Variants in DNER observed in about 807,000 individuals in gnomAD.
DNER encodes delta and Notch-like epidermal growth factor-related receptor.
A neutral mutation model predicts 78.2 loss-of-function variants in DNER; 33 were observed. The ratio of observed to expected loss-of-function variants is 0.42; its 90% CI spans 0.32 to 0.56. The LOEUF is 0.56. DNER is among the 20% of genes least tolerant of loss of function. The pLI, the probability that DNER is intolerant of heterozygous loss-of-function variation, is 0.11. For missense variants in DNER, 918 were observed against 975.3 expected (o/e 0.94, Z 0.78); for synonymous variants, 417 against 384.8 (o/e 1.08, Z -0.98).
At position 229,698,911 on chromosome 2, in the gene DNER, A is replaced by T. The variant is rs897674399; in HGVS notation, c.276+15237T>A. ...AAAAAACCAATGGCCAATTTTAAAG[A>T]GTAAAAATGAAGATAGAGGGTCACA... On this transcript the variant is annotated intron_variant, in intron 1 of 12. Coordinates refer to ENST00000341772, the MANE Select transcript of DNER (RefSeq NM_139072.4). Among the ~76,000 whole-genome samples the T allele has an allele frequency of 1.1e-4, 16 of 152,190 alleles. 1 individual carries two copies.
At chr2:229,527,187 C>G (rs953340713) in intron 5 of DNER, among the ~76,000 whole-genome samples, 2 of 144,738 alleles carry the variant, frequency 1.4e-5, no homozygotes, top group Non-Finnish European at 2.9e-5. Context: ...CTCCTCTAAA[C>G]TTAGCCTGGT....
chr2:229,475,725 C>CCTT (rs1273908257), intron 7 of DNER, among the ~76,000 whole-genome samples: 1 of 152,110 alleles, frequency 6.6e-6, no homozygotes, highest in Non-Finnish European at 1.5e-5. Context: ...GCAAATTACC[C>CCTT]CCATCTGAAC....
At chr2:229,455,288 T>C (rs551517318) in intron 7 of DNER, among the ~76,000 whole-genome samples, 1 of 152,212 alleles carries the variant, frequency 6.6e-6, no homozygotes, top group South Asian at 2.1e-4. Context: ...CCGTGTGACC[T>C]CAGGCTTAAT....
intron 1 of DNER, among the ~76,000 whole-genome samples, chr2:229,631,698 C>T (rs1234553502): frequency 6.6e-6 from 1 of 152,130 alleles, no homozygotes; most frequent in Non-Finnish European, 1.5e-5. Flanking sequence ...ATAACACTTC[C>T]AGTTCTTAAA....
chr2:229,687,801 G>T (rs1415900717), intron 1 of DNER, among the ~76,000 whole-genome samples: 1 of 152,158 alleles, frequency 6.6e-6, no homozygotes, highest in African/African-American at 2.4e-5. Flanking sequence ...TAGACATAAG[G>T]CTAATAGAGT....
In DNER at chr2:229,688,115, T is replaced by G. The variant is rs180834106; in HGVS notation, c.276+26033A>C. On this transcript the variant is annotated intron_variant, in intron 1 of 12. Transcript: ENST00000341772. ...AACCTACTTCACCAGAGAAGTACAA[T>G]CGGGGTGTTAAGAGCTCCTCCCATG... Among the ~76,000 whole-genome samples, 12 of 152,298 alleles carry G rather than the reference T, an allele frequency of 7.9e-5. No homozygotes were observed. The East Asian group carries it at 1.2e-3, about 15-fold the overall frequency.
At position 229,454,742 on chromosome 2, in the gene DNER, T is replaced by A. The variant is rs144204816; in HGVS notation, c.1262-7202A>T. On this transcript the variant is annotated intron_variant, in intron 7 of 12. Transcript: ENST00000341772. ...CTGTGTTTTATTATTCTTAAAATTT[T>A]GCTTTTTCTTACCAATTCAAGAAAA... Among the ~76,000 whole-genome samples, 426 of 152,220 alleles carry A rather than the reference T, an allele frequency of 2.8e-3. 2 individuals carry two copies. The highest frequency in any genetic ancestry group is 9.6e-3 in the African/African-American group (400 of 41,536).
intron 11 of DNER, among the ~76,000 whole-genome samples, chr2:229,371,741 A>G (rs1270474992): frequency 6.6e-6 from 1 of 152,204 alleles, no homozygotes; most frequent in Non-Finnish European, 1.5e-5. Context: ...CATAGCCCAT[A>G]TCTATTTTTT....
At chr2:229,410,098 C>T (rs1042868027) in intron 9 of DNER, among the ~76,000 whole-genome samples, 1 of 152,116 alleles carries the variant, frequency 6.6e-6, no homozygotes, top group Non-Finnish European at 1.5e-5. Flanking sequence ...GAGGAGTCAC[C>T]TTCTTTCACA....
At chr2:229,463,276 T>A (rs958385083) in intron 7 of DNER, among the ~76,000 whole-genome samples, 2 of 151,034 alleles carry the variant, frequency 1.3e-5, no homozygotes, top group African/African-American at 5.0e-5. Flanking sequence ...GAGAACATAT[T>A]CCAACAGATT....
At chr2:229,663,688 C>G (rs1699044676) in intron 1 of DNER, among the ~76,000 whole-genome samples, 1 of 152,240 alleles carries the variant, frequency 6.6e-6, no homozygotes, top group Non-Finnish European at 1.5e-5. Flanking sequence ...TTCACTAATG[C>G]ATCCAGCAGA....
At chr2:229,594,220 C>G (rs1172814443) in intron 1 of DNER, among the ~76,000 whole-genome samples, 1 of 152,230 alleles carries the variant, frequency 6.6e-6, no homozygotes, top group South Asian at 2.1e-4. Context: ...AAAGGACACT[C>G]CATAGAGTAA....
chr2:229,662,562 C>G (rs1290057193), intron 1 of DNER, among the ~76,000 whole-genome samples: 1 of 152,184 alleles, frequency 6.6e-6, no homozygotes, highest in Non-Finnish European at 1.5e-5. Flanking sequence ...GCCACGCTTT[C>G]AACCACTGCA....
chr2:229,567,523 G>C (rs113217984), intron 4 of DNER, among the ~76,000 whole-genome samples: 80 of 152,344 alleles, frequency 5.3e-4, no homozygotes, highest in African/African-American at 1.8e-3. Context: ...AGCTGGTAGT[G>C]ATGAGAACCA....
intron 1 of DNER, among the ~76,000 whole-genome samples, chr2:229,618,955 G>A (rs981237569): frequency 3.9e-5 from 6 of 151,900 alleles, no homozygotes; most frequent in Admixed American, 6.6e-5. Context: ...GCAATATAGC[G>A]AGACTCCCTC....
intron 6 of DNER, among the ~76,000 whole-genome samples, chr2:229,504,190 C>T (rs1378824467): frequency 6.6e-6 from 1 of 152,072 alleles, no homozygotes; most frequent in East Asian, 1.9e-4. Context: ...TTCATCTATA[C>T]CCTTTGTAAT....
At chr2:229,649,249 C>T (rs1698771091) in intron 1 of DNER, among the ~76,000 whole-genome samples, 1 of 152,130 alleles carries the variant, frequency 6.6e-6, no homozygotes, top group Non-Finnish European at 1.5e-5. Flanking sequence ...TTTCTTTCCC[C>T]TTTCTTTAAG....
chr2:229,713,032 A>G (rs1191406190), intron 1 of DNER, among the ~76,000 whole-genome samples: 3 of 152,256 alleles, frequency 2.0e-5, no homozygotes, highest in African/African-American at 7.2e-5. Context: ...AACCTATTTG[A>G]GCATTCTCAA....
chr2:229,584,370 T>G (rs1313085549), intron 4 of DNER, among the ~76,000 whole-genome samples: 1 of 152,290 alleles, frequency 6.6e-6, no homozygotes, highest in African/African-American at 2.4e-5. Context: ...TGCATTGGAC[T>G]GGGATGGGTA....
Sources: gnomAD v4.1 joint callset for allele counts (sites outside exome capture counted in the v4.1 genomes callset) on GRCh38, gnomAD v4.1.1 for gene constraint, MANE v1.5 for transcripts, NCBI Gene and HGNC (gene_info 2026-07-23, HGNC 2026-07-21) for gene names.